The following FKBP5 variants were observed in gnomAD, a reference collection of about 807,000 sequenced individuals.
FKBP5 encodes FKBP prolyl isomerase 5, also known as peptidyl-prolyl cis-trans isomerase FKBP5.
A neutral mutation model predicts 50.5 loss-of-function variants in FKBP5; 23 were observed. That is an observed-to-expected ratio of 0.46 (90% CI 0.33 to 0.65). The LOEUF (loss-of-function observed/expected upper bound fraction) is 0.65, where lower values mean the gene tolerates loss of function less well. FKBP5 is among the 30% of genes least tolerant of loss of function. FKBP5 has a pLI of 0.02. For missense variants in FKBP5, 411 were observed against 553.1 expected (o/e 0.74, Z 2.58); for synonymous variants, 176 against 190.6 (o/e 0.92, Z 0.63).
chr6:35,594,763 T>C (rs970792607), intron 6 of FKBP5, among the ~76,000 whole-genome samples: 2 of 152,190 alleles, frequency 1.3e-5, no homozygotes, highest in Non-Finnish European at 2.9e-5. Context: ...TTACAGAGAA[T>C]GCACTTCACA....
At chr6:35,587,242 TTG>T (rs1415908384) in intron 7 of FKBP5, 125 bp from the exon 8 acceptor site, 3 of 868,658 alleles carry the variant, frequency 3.5e-6, no homozygotes, top group African/African-American at 3.3e-5. Context: ...GCTGTTGAAA[TTG>T]TGTGTCAGTG....
At chr6:35,698,721 GTGA>G (rs1406474946) in intron 2 of FKBP5, among the ~76,000 whole-genome samples, 2 of 152,214 alleles carry the variant, frequency 1.3e-5, no homozygotes, top group Non-Finnish European at 2.9e-5. Context: ...AGGAAGCATA[GTGA>G]TTTCTGCTTC....
At chr6:35,623,661 C>T (rs922171233) in intron 3 of FKBP5, among the ~76,000 whole-genome samples, 30 of 151,938 alleles carry the variant, frequency 2.0e-4, no homozygotes, top group African/African-American at 6.3e-4. Context: ...CCTCAACCTC[C>T]CAGGCTCAAG....
Position 35,575,935 on chromosome 6 carries a change from G to A in FKBP5, c.1274C>T (p.Ala425Val). ...AGTCTTCTTGCCCATTGCTTTATTG[G>A]CCTCTTCCTAAGGAAGAAATAAGCA... ...KFAEQDAKEE[A>V]NKAMGKKTSE... is the part of the protein sequence containing the mutation. The change falls in exon 11 of 11, where the codon GCC (alanine) becomes GTC (valine). Residue 425 changes from alanine (A) to valine (V), a missense_variant. Physicochemically the swap from Ala to Val is moderately conservative, Grantham distance 64. Transcript: ENST00000357266. The A allele has an allele frequency of 6.2e-7, 1 of 1,605,184 alleles. No homozygotes were observed. Among genetic ancestry groups the A allele is most frequent in the Non-Finnish European group, 8.5e-7 (1 of 1,171,986 alleles).
At chr6:35,591,092 AAC>A (rs1478826051) in intron 7 of FKBP5, 36 bp downstream of exon 7, 1 of 1,357,164 alleles carries the variant, frequency 7.4e-7, no homozygotes, top group Non-Finnish European at 1.0e-6. Flanking sequence ...ATGGAGAAGA[AAC>A]CTACCATAAT....
intron 7 of FKBP5, among the ~76,000 whole-genome samples, chr6:35,590,234 G>C (rs115264987): frequency 0.011 from 1,725 of 152,250 alleles, 32 homozygotes; most frequent in African/African-American, 0.037. Context: ...AGGAAGTTGA[G>C]GCTGGAGTGA....
chr6:35,706,424 C>CAAAAAAAAAAAAAAAAAAGAA (rs1766316724), intron 2 of FKBP5, among the ~76,000 whole-genome samples: 1 of 103,876 alleles, frequency 9.6e-6, no homozygotes, highest in Non-Finnish European at 2.0e-5. Flanking sequence ...AACTCTGTCT[C>CAAAAAAAAAAAAAAAAAAGAA]AAAAAAAAAA....
At chr6:35,645,388 T>C (rs1044742721) in intron 1 of FKBP5, among the ~76,000 whole-genome samples, 5 of 152,130 alleles carry the variant, frequency 3.3e-5, no homozygotes, top group Middle Eastern at 3.2e-3. Context: ...ACTGTGATCA[T>C]GCCACTGTAC....
upstream of FKBP5, among the ~76,000 whole-genome samples, chr6:35,690,393 G>T (rs1173852192): frequency 1.3e-5 from 2 of 151,784 alleles, no homozygotes; most frequent in East Asian, 3.9e-4. Context: ...AGAATTGCTT[G>T]AACAGAGGTT....
rs35830022 is a variant in FKBP5 at position 35,683,120 on chromosome 6, A to ATGTGTGTG, written c.-20+5676_-20+5683dup. Among the ~76,000 whole-genome samples the ATGTGTGTG allele has an allele frequency of 3.5e-3, 279 of 80,642 alleles. 1 individual carries two copies. The highest frequency in any genetic ancestry group is 4.7e-3 in the Non-Finnish European group (189 of 39,950). 52.9% of individuals were successfully genotyped at this position (80,642 alleles called of 152,430 possible). A position where few individuals can be genotyped will look rare whatever the true frequency, so the allele number is the denominator to read the frequency against. Reference sequence around the variant, plus strand: ...AGTGTGTGTGTATATATATACGTATATGTGTGTGTGTGTGTGTGTGTGTGT... The same window carrying ATGTGTGTG: ...AGTGTGTGTGTATATATATACGTATATGTGTGTGTGTGTGTGTGTGTGTGTGTGTGTGT... On this transcript the variant is annotated intron_variant, in intron 1 of 10. Transcript: ENST00000357266.
chr6:35,715,993 C>T (rs761730063), intron 2 of FKBP5, among the ~76,000 whole-genome samples: 43 of 152,050 alleles, frequency 2.8e-4, no homozygotes, highest in Admixed American at 1.2e-3. Flanking sequence ...ATAACCCATG[C>T]GATATGAGGA....
At chr6:35,595,907 T>TTGAAG (rs1762970642) in intron 6 of FKBP5, among the ~76,000 whole-genome samples, 1 of 151,926 alleles carries the variant, frequency 6.6e-6, no homozygotes, top group South Asian at 2.1e-4. Flanking sequence ...ATAAGACACA[T>TTGAAG]TGAAGTGGGG....
At chr6:35,689,159 TG>T (rs1371065576), upstream of FKBP5, among the ~76,000 whole-genome samples, 2 of 152,310 alleles carry the variant, frequency 1.3e-5, no homozygotes, top group East Asian at 3.9e-4. Context: ...CCTTGCCCTT[TG>T]TGGGGGCCAT....
At chr6:35,697,225 A>G (rs952890522) in intron 2 of FKBP5, among the ~76,000 whole-genome samples, 53 of 152,210 alleles carry the variant, frequency 3.5e-4, no homozygotes, top group African/African-American at 1.2e-3. Flanking sequence ...ATGTGAACAC[A>G]CAATGGAACA....
At chr6:35,581,201 TAAC>T in intron 8 of FKBP5, 5 of 979,722 alleles carry the variant, frequency 5.1e-6, no homozygotes, top group Non-Finnish European at 6.0e-6. Flanking sequence ...ACAACATAAA[TAAC>T]AACTATAAAA....
chr6:35,594,976 GAGA>G (rs1333368695), intron 6 of FKBP5, among the ~76,000 whole-genome samples: 2 of 152,192 alleles, frequency 1.3e-5, no homozygotes, highest in African/African-American at 4.8e-5. Context: ...TAAAATGGAA[GAGA>G]AGGTGAGCCG....
chr6:35,725,168 T>C (rs573697155), intron 1 of FKBP5, among the ~76,000 whole-genome samples: 3 of 152,300 alleles, frequency 2.0e-5, no homozygotes, highest in South Asian at 2.1e-4. Context: ...CAGAAAATCA[T>C]TGAGAAATCA....
At chr6:35,599,086 CT>C (rs1342344269) in intron 5 of FKBP5, among the ~76,000 whole-genome samples, 2 of 123,422 alleles carry the variant, frequency 1.6e-5, no homozygotes. Flanking sequence ...TAAAATGCTT[CT>C]TTTCTAACAC....
At chr6:35,694,037 C>T (rs946338292) in intron 2 of FKBP5, among the ~76,000 whole-genome samples, 22 of 152,070 alleles carry the variant, frequency 1.4e-4, no homozygotes, top group Admixed American at 7.2e-4. Flanking sequence ...CAGAGTCTCT[C>T]TATGCTGCCC....
Sources: allele counts gnomAD v4.1 joint callset (sites outside exome capture counted in the v4.1 genomes callset), GRCh38; gene constraint gnomAD v4.1.1; transcripts MANE v1.5; gene names NCBI Gene and HGNC (gene_info 2026-07-23, HGNC 2026-07-21).